RTL4: variants seen among roughly 807,000 people sequenced by gnomAD.
RTL4 encodes the protein retrotransposon Gag-like protein 4.
In RTL4, 4 loss-of-function variants were observed where a neutral mutation model predicts 5.3. That is an observed-to-expected ratio of 0.75 (90% CI 0.37 to 1.72). The LOEUF is 1.72. Among genes scored for constraint, RTL4 ranks in the 40% most tolerant of loss-of-function variants. The probability of loss-of-function intolerance (pLI) is 0.04; values close to 1 mark genes in which losing one functional copy is unlikely to be tolerated. For synonymous variants in RTL4, 98 were observed against 87.3 expected, an observed-to-expected ratio of 1.12 and a Z score of -0.68; for missense variants, 260 against 227.1, an observed-to-expected ratio of 1.14 and a Z score of -0.93.
the RTL4 span, among the ~76,000 whole-genome samples, chrX:112,260,480 G>T: frequency 3.6e-5 from 4 of 111,846 alleles, no homozygotes; most frequent in South Asian, 1.5e-3. Flanking sequence ...GTCTAGAGCA[G>T]GTATTACATT....
At chrX:112,233,749 C>A in the RTL4 span, among the ~76,000 whole-genome samples, 4 of 111,090 alleles carry the variant, frequency 3.6e-5, no homozygotes, top group Non-Finnish European at 7.5e-5. Context: ...AGTTGTAGTG[C>A]CTTCCTCACA....
the RTL4 span, among the ~76,000 whole-genome samples, chrX:112,261,708 G>T: frequency 9.0e-6 from 1 of 111,570 alleles, no homozygotes; most frequent in Non-Finnish European, 1.9e-5. Flanking sequence ...AGTTCATATG[G>T]AACCAAAAAA....
the RTL4 span, among the ~76,000 whole-genome samples, chrX:112,112,805 G>C: frequency 8.9e-6 from 1 of 111,773 alleles, no homozygotes; most frequent in Admixed American, 9.5e-5. Flanking sequence ...ACGTAAGTTG[G>C]GACGTGTGGT....
chrX:112,438,701 T>C, the RTL4 span, among the ~76,000 whole-genome samples: 15 of 112,423 alleles, frequency 1.3e-4, no homozygotes, highest in East Asian at 4.2e-3. Context: ...TTATTTTAGG[T>C]CATGATTCTG....
At chrX:112,134,501 G>A in the RTL4 span, among the ~76,000 whole-genome samples, 1 of 112,146 alleles carries the variant, frequency 8.9e-6, no homozygotes, top group African/African-American at 3.2e-5. Context: ...TCCTATGATT[G>A]TGATCCATCT....
chrX:112,349,377 A>G, the RTL4 span, among the ~76,000 whole-genome samples: 1 of 111,315 alleles, frequency 9.0e-6, no homozygotes, highest in Non-Finnish European at 1.9e-5. Flanking sequence ...CTTTAAACAG[A>G]GAAACTGGTT....
chrX:112,147,101 C>T, the RTL4 span, among the ~76,000 whole-genome samples: 1 of 108,484 alleles, frequency 9.2e-6, no homozygotes, highest in Non-Finnish European at 1.9e-5. Context: ...CAAATTATTT[C>T]CCTTCTTTGA....
the RTL4 span, among the ~76,000 whole-genome samples, chrX:112,114,265 A>G: frequency 4.5e-5 from 5 of 111,473 alleles, no homozygotes; most frequent in African/African-American, 1.6e-4. Context: ...AGTCCCCATG[A>G]TCTGAGTCGA....
At chrX:112,150,412 T>C in the RTL4 span, among the ~76,000 whole-genome samples, 3 of 111,528 alleles carry the variant, frequency 2.7e-5, no homozygotes, top group African/African-American at 9.8e-5. Context: ...CTGAGATGAA[T>C]TGCCGTCTCA....
the RTL4 span, among the ~76,000 whole-genome samples, chrX:112,335,561 T>C: frequency 9.0e-6 from 1 of 111,359 alleles, no homozygotes; most frequent in Middle Eastern, 5.2e-3. Context: ...AGTATTTTCT[T>C]TTGCTTACAG....
chrX:112,226,806 C>T, the RTL4 span, among the ~76,000 whole-genome samples: 4 of 109,104 alleles, frequency 3.7e-5, no homozygotes, highest in South Asian at 3.9e-4. Context: ...TGTGGTGGTG[C>T]GTGCCTGTAA....
At chrX:112,333,436 A>T in the RTL4 span, among the ~76,000 whole-genome samples, 1 of 111,683 alleles carries the variant, frequency 9.0e-6, no homozygotes, top group Non-Finnish European at 1.9e-5. Flanking sequence ...AATTTGCTTT[A>T]CTATGGTAAT....
At chrX:112,143,617 A>C in the RTL4 span, among the ~76,000 whole-genome samples, 1 of 112,065 alleles carries the variant, frequency 8.9e-6, no homozygotes, top group Non-Finnish European at 1.9e-5. Context: ...TTTCAATCAG[A>C]ATTTTTTTTA....
At chrX:112,203,975 GT>G in the RTL4 span, among the ~76,000 whole-genome samples, 1 of 112,282 alleles carries the variant, frequency 8.9e-6, no homozygotes, top group Non-Finnish European at 1.9e-5. Flanking sequence ...TATACATGTT[GT>G]TATGTCTACA....
chrX:112,400,173 T>A, the RTL4 span, among the ~76,000 whole-genome samples: 2 of 111,643 alleles, frequency 1.8e-5, no homozygotes, highest in East Asian at 5.6e-4. Context: ...ATATTTTCTA[T>A]CCCTCTGCTT....
the RTL4 span, among the ~76,000 whole-genome samples, chrX:112,173,811 G>A: frequency 1.4e-4 from 15 of 110,560 alleles, no homozygotes; most frequent in Non-Finnish European, 2.1e-4. Flanking sequence ...TATAATAGGT[G>A]GTTGAGTGCA....
At chrX:112,227,105 T>C in the RTL4 span, among the ~76,000 whole-genome samples, 1 of 111,049 alleles carries the variant, frequency 9.0e-6, no homozygotes, top group Non-Finnish European at 1.9e-5. Context: ...TTTGAGCTTG[T>C]CTTTGGTGAT....
At chrX:112,089,002 T>C in the RTL4 span, among the ~76,000 whole-genome samples, 3 of 112,161 alleles carry the variant, frequency 2.7e-5, no homozygotes, top group African/African-American at 9.7e-5. Context: ...AAATATTTTA[T>C]CTCATTCTCT....
chrX:112,267,060 C>T, the RTL4 span, among the ~76,000 whole-genome samples: 1 of 111,759 alleles, frequency 8.9e-6, no homozygotes, highest in Non-Finnish European at 1.9e-5. Flanking sequence ...TCTACTGGTT[C>T]ATTCCCAGCA....
Sources: gnomAD v4.1 joint callset for allele counts (sites outside exome capture counted in the v4.1 genomes callset) on GRCh38, gnomAD v4.1.1 for gene constraint, MANE v1.5 for transcripts, NCBI Gene and HGNC (gene_info 2026-07-23, HGNC 2026-07-21) for gene names.